ABLIM1: variants seen among roughly 807,000 people sequenced by gnomAD.
The protein encoded by ABLIM1 is actin binding LIM protein 1.
Under a neutral mutation model 107.0 loss-of-function variants are expected in ABLIM1, and 40 were observed. That is an observed-to-expected ratio of 0.37 (90% confidence interval 0.29 to 0.49). The LOEUF (loss-of-function observed/expected upper bound fraction) is 0.49. ABLIM1 is among the 20% of genes least tolerant of loss of function. ABLIM1 has a pLI of 0.97. For synonymous variants in ABLIM1, 357 were observed against 357.3 expected (o/e 1.00, Z 0.01); for missense variants, 857 against 1,008.5 (o/e 0.85, Z 2.04).
At chr10:114,691,972 C>T (rs2081088824) in intron 1 of ABLIM1, among the ~76,000 whole-genome samples, 1 of 152,178 alleles carries the variant, frequency 6.6e-6, no homozygotes, top group East Asian at 1.9e-4. Flanking sequence ...AATGTTACTA[C>T]ATCATTGTCT....
chr10:114,515,613 A>C (rs1485075291), intron 6 of ABLIM1, among the ~76,000 whole-genome samples: 1 of 152,166 alleles, frequency 6.6e-6, no homozygotes, highest in Non-Finnish European at 1.5e-5. Context: ...TGTGTCCCCC[A>C]AAAAGATATG....
chr10:114,636,720 C>T (rs1005150039), intron 1 of ABLIM1, among the ~76,000 whole-genome samples: 9 of 152,250 alleles, frequency 5.9e-5, no homozygotes, highest in African/African-American at 2.2e-4. Context: ...GGGTTTCATT[C>T]ACACTAGGCT....
rs568196262 is a variant in ABLIM1 at position 114,443,514 on chromosome 10, C to T, written c.1933+515G>A. ...TTTTAGTATAGATGGGGTTTCGCCA[C>T]GTTGACCAGGCTGGTCTCAAACTCC... On this transcript the variant is annotated intron_variant, in intron 17 of 22. Transcript: ENST00000533213. Among the ~76,000 whole-genome samples, 10 of 151,764 alleles carry T rather than the reference C, an allele frequency of 6.6e-5. No individual in the cohort carries two copies. The South Asian group carries it at 8.3e-4, about 13-fold the overall frequency.
chr10:114,541,616 T>G (rs1230729208), intron 6 of ABLIM1, among the ~76,000 whole-genome samples: 2 of 152,234 alleles, frequency 1.3e-5, no homozygotes, highest in African/African-American at 2.4e-5. Flanking sequence ...GGACTACGTC[T>G]GCTGGGTGGA....
intron 1 of ABLIM1, among the ~76,000 whole-genome samples, chr10:114,693,168 G>A (rs2081119539): frequency 1.3e-5 from 2 of 152,304 alleles, no homozygotes; most frequent in South Asian, 2.1e-4. Flanking sequence ...TGGGATCGGT[G>A]AGGGATGCAG....
At chr10:114,528,735 A>G (rs530010572) in intron 6 of ABLIM1, among the ~76,000 whole-genome samples, 2 of 152,336 alleles carry the variant, frequency 1.3e-5, no homozygotes, top group South Asian at 4.1e-4. Flanking sequence ...TAAAAGCATG[A>G]ATAACTTCAT....
intron 20 of ABLIM1, 57 bp downstream of exon 20, chr10:114,440,022 GGTT>G: frequency 6.2e-7 from 1 of 1,613,114 alleles, no homozygotes; most frequent in African/African-American, 1.3e-5. Context: ...CAGCAGTCTG[GGTT>G]GGAACATGGC....
At chr10:114,486,099 C>CAAT (rs1350648756) in intron 8 of ABLIM1, among the ~76,000 whole-genome samples, 1 of 152,180 alleles carries the variant, frequency 6.6e-6, no homozygotes, top group African/African-American at 2.4e-5. Context: ...AGGAAGAAAA[C>CAAT]AATAGCTCCT....
At chr10:114,799,456 G>A in the ABLIM1 span, among the ~76,000 whole-genome samples, 1 of 152,092 alleles carries the variant, frequency 6.6e-6, no homozygotes, top group African/African-American at 2.4e-5. Flanking sequence ...ATAGGCATCT[G>A]ACAGATTGAA....
chr10:114,569,318 T>A (rs2071288825), intron 4 of ABLIM1, among the ~76,000 whole-genome samples: 1 of 151,926 alleles, frequency 6.6e-6, no homozygotes, highest in African/African-American at 2.4e-5. Flanking sequence ...CTTTTTCTTT[T>A]TCTTTTTTTT....
chr10:114,753,040 G>A (rs544306099), intron 1 of ABLIM1, among the ~76,000 whole-genome samples: 1 of 152,306 alleles, frequency 6.6e-6, no homozygotes, highest in South Asian at 2.1e-4. Context: ...ATCTCTCGCT[G>A]TCCATCATTC....
chr10:114,584,433 C>A (rs1040383885), intron 2 of ABLIM1, among the ~76,000 whole-genome samples: 1 of 152,124 alleles, frequency 6.6e-6, no homozygotes, highest in African/African-American at 2.4e-5. Flanking sequence ...CTTCTCAAAC[C>A]ACCAAAAATT....
chr10:114,641,959 T>A (rs1412919163), intron 1 of ABLIM1, among the ~76,000 whole-genome samples: 1 of 152,204 alleles, frequency 6.6e-6, no homozygotes, highest in Non-Finnish European at 1.5e-5. Context: ...CATAGCTCAC[T>A]GCAGCCTCAA....
chr10:114,488,354 G>A lies in ABLIM1; in HGVS notation c.983-338C>T, dbSNP rs185322751. On this transcript the variant is annotated intron_variant, in intron 7 of 22. Transcript: ENST00000533213. Reference sequence around the variant, plus strand: ...CATCCTTTAAAAGGAATGCCTGAGTGCTTACTACAAGCTGCATTTAATTTA... The same window carrying A: ...CATCCTTTAAAAGGAATGCCTGAGTACTTACTACAAGCTGCATTTAATTTA... Among the ~76,000 whole-genome samples, 44 of 152,156 alleles carry A rather than the reference G, an allele frequency of 2.9e-4. 1 individual carries two copies. The highest frequency in any genetic ancestry group is 2.8e-3 in the Admixed American group (43 of 15,262).
chr10:114,554,990 G>A (rs550341228), intron 4 of ABLIM1, among the ~76,000 whole-genome samples: 8 of 152,192 alleles, frequency 5.3e-5, no homozygotes, highest in African/African-American at 7.2e-5. Flanking sequence ...CCCAGGCTGC[G>A]TAATATGTGT....
At chr10:114,445,789 G>C (rs2060926560) in intron 15 of ABLIM1, among the ~76,000 whole-genome samples, 1 of 151,956 alleles carries the variant, frequency 6.6e-6, no homozygotes, top group African/African-American at 2.4e-5. Context: ...TTTCTTTTTT[G>C]AGACAAGGTT....
chr10:114,582,107 C>A (rs1447288012), intron 2 of ABLIM1, among the ~76,000 whole-genome samples: 1 of 152,056 alleles, frequency 6.6e-6, no homozygotes, highest in Non-Finnish European at 1.5e-5. Context: ...GATTCTATAC[C>A]TGGAAAACCC....
chr10:114,750,939 T>G (rs1467835690), intron 1 of ABLIM1, among the ~76,000 whole-genome samples: 1 of 152,232 alleles, frequency 6.6e-6, no homozygotes, highest in African/African-American at 2.4e-5. Flanking sequence ...GTTGTATAAT[T>G]TGCCTATCAG....
upstream of ABLIM1, among the ~76,000 whole-genome samples, chr10:114,663,242 C>G (rs2141274235): frequency 6.6e-6 from 1 of 152,364 alleles, no homozygotes; most frequent in South Asian, 2.1e-4. Flanking sequence ...TCCAGAATCA[C>G]TCTGGCTAGA....
Sources: gnomAD v4.1 joint callset for allele counts (sites outside exome capture counted in the v4.1 genomes callset) on GRCh38, gnomAD v4.1.1 for gene constraint, MANE v1.5 for transcripts, NCBI Gene and HGNC (gene_info 2026-07-23, HGNC 2026-07-21) for gene names.